The following RNF212 variants were observed in gnomAD, a reference collection of about 807,000 sequenced individuals.
RNF212 encodes ring finger protein 212.
A neutral mutation model predicts 34.7 loss-of-function variants in RNF212; 33 were observed. The ratio of observed to expected loss-of-function variants is 0.95; its 90% CI spans 0.72 to 1.27. The LOEUF is 1.27. Ranked by LOEUF, RNF212 falls within the 50% of genes most tolerant of loss-of-function variation. The pLI, the probability that RNF212 is intolerant of heterozygous loss-of-function variation, is 0.00. For missense variants in RNF212, 377 were observed against 362.2 expected, an observed-to-expected ratio of 1.04 and a Z score of -0.33; for synonymous variants, 140 against 136.1, an observed-to-expected ratio of 1.03 and a Z score of -0.20.
intron 1 of RNF212, among the ~76,000 whole-genome samples, chr4:1,110,062 C>T (rs1216838565): frequency 6.6e-6 from 1 of 152,146 alleles, no homozygotes; most frequent in Non-Finnish European, 1.5e-5. Flanking sequence ...AGCTAGGAGT[C>T]ATGCAGTAAA....
intron 3 of RNF212, among the ~76,000 whole-genome samples, chr4:1,058,758 C>T (rs1717533114): frequency 6.6e-6 from 1 of 152,238 alleles, no homozygotes; most frequent in African/African-American, 2.4e-5. Flanking sequence ...GTTTCAGCCT[C>T]ACTGAGGGGC....
chr4:1,108,118 C>A (rs1450108399), intron 2 of RNF212, among the ~76,000 whole-genome samples: 1 of 152,166 alleles, frequency 6.6e-6, no homozygotes, highest in Non-Finnish European at 1.5e-5. Flanking sequence ...AGGAACACAG[C>A]ACGATTCAAC....
intron 3 of RNF212, among the ~76,000 whole-genome samples, chr4:1,095,163 C>A (rs1196974785): frequency 7.8e-6 from 1 of 128,844 alleles, no homozygotes; most frequent in East Asian, 2.3e-4. Flanking sequence ...ACGCCCCCCA[C>A]AGCTCCATGG....
intron 1 of RNF212, among the ~76,000 whole-genome samples, chr4:1,110,790 C>T (rs1050613970): frequency 6.6e-6 from 1 of 152,164 alleles, no homozygotes; most frequent in African/African-American, 2.4e-5. Flanking sequence ...CTGCCCAGAG[C>T]CTCCACCCCT....
intron 5 of RNF212, among the ~76,000 whole-genome samples, chr4:1,084,315 G>A (rs1483703131): frequency 1.3e-5 from 2 of 152,186 alleles, no homozygotes; most frequent in Non-Finnish European, 2.9e-5. Flanking sequence ...ATTTGCAAAT[G>A]TTTCTGCAAA....
chr4:1,094,764 G>T (rs1203612881), intron 3 of RNF212, among the ~76,000 whole-genome samples: 1 of 152,156 alleles, frequency 6.6e-6, no homozygotes, highest in Non-Finnish European at 1.5e-5. Flanking sequence ...AGAGAACCCT[G>T]ATCTGGTGGG....
At chr4:1,106,250 ACACACACACACACACAC>A (rs1724812922) in intron 2 of RNF212, among the ~76,000 whole-genome samples, 1 of 5,938 alleles carries the variant, frequency 1.7e-4, no homozygotes, top group African/African-American at 4.4e-4. Flanking sequence ...AATTTTACTT[ACACACACACACACACAC>A]ACACACACAC....
downstream of RNF212, among the ~76,000 whole-genome samples, chr4:1,070,333 T>C (rs1441062720): frequency 1.3e-5 from 2 of 150,242 alleles, no homozygotes; most frequent in African/African-American, 4.9e-5. Context: ...CGTGGACGCC[T>C]GGCCTGAGTT....
chr4:1,110,942 C>A (rs568166495), intron 1 of RNF212, among the ~76,000 whole-genome samples: 1 of 152,324 alleles, frequency 6.6e-6, no homozygotes, highest in East Asian at 1.9e-4. Context: ...TGAATCTATA[C>A]CTGCCCCAGG....
In RNF212 at chr4:1,084,187, G is replaced by A. The variant is rs1027074696; in HGVS notation, c.362+1709C>T. Among the ~76,000 whole-genome samples, 3 of 152,106 alleles carry A rather than the reference G, an allele frequency of 2.0e-5. No individual in the cohort carries two copies. In the East Asian group the frequency reaches 5.8e-4, roughly 29 times the overall value. On this transcript the variant is annotated intron_variant, in intron 5 of 9. Coordinates refer to ENST00000433731, the MANE Select transcript of RNF212 (RefSeq NM_001131034.4). ...GTTGGTCTCAAACTCCCGACCTCAG[G>A]TAATCTGCCCACCTTGGCCTCCCAA...
intron 5 of RNF212, among the ~76,000 whole-genome samples, chr4:1,084,407 A>C (rs933584528): frequency 6.6e-6 from 1 of 152,160 alleles, no homozygotes; most frequent in Non-Finnish European, 1.5e-5. Flanking sequence ...TAGAAATGTA[A>C]AAGCCATGGT....
chr4:1,083,023 G>A (rs1364513829), intron 5 of RNF212, among the ~76,000 whole-genome samples: 1 of 152,216 alleles, frequency 6.6e-6, no homozygotes, highest in Non-Finnish European at 1.5e-5. Flanking sequence ...GGTCGGGGGC[G>A]CAGCGGTCTG....
intron 3 of RNF212, among the ~76,000 whole-genome samples, chr4:1,062,484 G>C (rs886614365): frequency 2.6e-5 from 4 of 152,170 alleles, no homozygotes; most frequent in Non-Finnish European, 5.9e-5. Flanking sequence ...AAAAGGACTA[G>C]AAGGGCACTT....
intron 8 of RNF212, among the ~76,000 whole-genome samples, chr4:1,078,796 C>T (rs902034952): frequency 5.3e-5 from 8 of 152,064 alleles, no homozygotes; most frequent in East Asian, 3.9e-4. Context: ...AACACAGGAC[C>T]GACATGGGAC....
intron 3 of RNF212, among the ~76,000 whole-genome samples, chr4:1,059,304 C>T (rs1027763940): frequency 1.3e-5 from 2 of 152,238 alleles, no homozygotes; most frequent in African/African-American, 4.8e-5. Flanking sequence ...GCAGGTGACC[C>T]TGAGAAGGCT....
intron 3 of RNF212, chr4:1,094,053 C>CT (rs746503250): frequency 1.5e-6 from 2 of 1,336,692 alleles, no homozygotes; most frequent in South Asian, 1.4e-5. Flanking sequence ...CAAGGAAGCT[C>CT]CCAGAGGAGG....
rs1449985439 is a variant in RNF212 at position 1,078,806 on chromosome 4, CCAACACAGGGT to C, written c.510+826_510+836del. On this transcript the variant is annotated intron_variant, in intron 8 of 9. Coordinates refer to ENST00000433731, the MANE Select transcript of RNF212 (RefSeq NM_001131034.4). ...GGGTCAACACAGGACCGACATGGGA[CCAACACAGGGT>C]CAACACAGGACCAACACGGGACCAA... Among the ~76,000 whole-genome samples the C allele has an allele frequency of 4.6e-5, 7 of 152,066 alleles. No homozygotes were observed. In the East Asian group the frequency reaches 1.2e-3, roughly 25 times the overall value.
At chr4:1,081,258 G>C (rs367651991) in intron 7 of RNF212, among the ~76,000 whole-genome samples, 161 bp downstream of exon 7, 14 of 151,682 alleles carry the variant, frequency 9.2e-5, no homozygotes, top group Middle Eastern at 3.4e-3. Flanking sequence ...CCTGAGCCTC[G>C]CAGGGAGATG....
At chr4:1,093,277 G>C (rs1463403289) in intron 3 of RNF212, 2 of 674,688 alleles carry the variant, frequency 3.0e-6, no homozygotes, top group African/African-American at 3.8e-5. Flanking sequence ...TTTATCTGTT[G>C]GTATTTACCC....
Sources: allele counts gnomAD v4.1 joint callset (sites outside exome capture counted in the v4.1 genomes callset), GRCh38; gene constraint gnomAD v4.1.1; transcripts MANE v1.5; gene names NCBI Gene and HGNC (gene_info 2026-07-23, HGNC 2026-07-21).